The following KCNH1 variants were observed in gnomAD, a reference collection of about 807,000 sequenced individuals.
KCNH1 encodes voltage-gated delayed rectifier potassium channel KCNH1.
In KCNH1, 27 loss-of-function variants were observed where a neutral mutation model predicts 69.2. The observed-to-expected ratio is 0.39, with a 90% confidence interval of 0.29 to 0.54. KCNH1 has a LOEUF of 0.54. KCNH1 is among the 20% of genes least tolerant of loss of function. The probability of loss-of-function intolerance (pLI) is 0.68; values close to 1 mark genes in which losing one functional copy is unlikely to be tolerated. For synonymous variants in KCNH1, 456 were observed against 487.7 expected (o/e 0.93, Z 0.86); for missense variants, 798 against 1,261.6 (o/e 0.63, Z 5.57).
At chr1:210,805,838 C>A (rs989089768) in intron 7 of KCNH1, among the ~76,000 whole-genome samples, 3 of 152,190 alleles carry the variant, frequency 2.0e-5, no homozygotes, top group Non-Finnish European at 2.9e-5. Flanking sequence ...ACATAATATG[C>A]GGTCTTCCAT....
intron 7 of KCNH1, among the ~76,000 whole-genome samples, chr1:210,872,075 A>T (rs1040605114): frequency 2.8e-4 from 42 of 151,868 alleles, no homozygotes; most frequent in Admixed American, 1.2e-3. Flanking sequence ...AAAAAAACAA[A>T]ATATATACAT....
chr1:211,048,376 T>C (rs1690131443), intron 5 of KCNH1, among the ~76,000 whole-genome samples: 1 of 152,144 alleles, frequency 6.6e-6, no homozygotes, highest in Admixed American at 6.6e-5. Context: ...AAAAGACACT[T>C]GCACATGCAT....
At chr1:210,833,483 G>A (rs544088298) in intron 7 of KCNH1, among the ~76,000 whole-genome samples, 2 of 152,196 alleles carry the variant, frequency 1.3e-5, no homozygotes, top group Admixed American at 6.5e-5. Flanking sequence ...CTAGCCATAT[G>A]TAGAAAGCTG....
chr1:210,701,441 G>A (rs1212065041), intron 10 of KCNH1, among the ~76,000 whole-genome samples: 1 of 152,122 alleles, frequency 6.6e-6, no homozygotes, highest in Non-Finnish European at 1.5e-5. Flanking sequence ...GAGGGAGAGT[G>A]GCTTACTAAG....
chr1:211,010,373 A>G (rs540174448), intron 6 of KCNH1, among the ~76,000 whole-genome samples: 37 of 152,210 alleles, frequency 2.4e-4, no homozygotes, highest in African/African-American at 8.9e-4. Context: ...CAAAAATCAG[A>G]TGAGATCCCA....
At chr1:210,857,309 C>A (rs866599333) in intron 7 of KCNH1, among the ~76,000 whole-genome samples, 2 of 152,162 alleles carry the variant, frequency 1.3e-5, no homozygotes, top group Non-Finnish European at 2.9e-5. Context: ...GAGCCTGAGG[C>A]CTTACAGGCA....
intron 6 of KCNH1, among the ~76,000 whole-genome samples, chr1:210,978,360 T>A (rs918506829): frequency 3.0e-4 from 45 of 152,290 alleles, no homozygotes; most frequent in South Asian, 6.2e-4. Flanking sequence ...TTAAATATAG[T>A]TGCATGTAGT....
At chr1:210,873,515 T>G (rs1316041343) in intron 7 of KCNH1, among the ~76,000 whole-genome samples, 1 of 148,078 alleles carries the variant, frequency 6.8e-6, no homozygotes, top group African/African-American at 2.6e-5. Context: ...GCCCAGCTTA[T>G]TTTTTTTTAC....
At chr1:210,790,809 G>A (rs180852730) in intron 9 of KCNH1, among the ~76,000 whole-genome samples, 31 of 152,250 alleles carry the variant, frequency 2.0e-4, no homozygotes, top group South Asian at 4.2e-4. Flanking sequence ...AATCACATCT[G>A]TAATAGTGCC....
intron 7 of KCNH1, among the ~76,000 whole-genome samples, chr1:210,852,959 C>A (rs1251148613): frequency 6.6e-6 from 1 of 152,176 alleles, no homozygotes; most frequent in East Asian, 1.9e-4. Flanking sequence ...TTTGGGGCCC[C>A]TGTCTTCTAT....
At chr1:211,105,316 A>G (rs74159605) in intron 2 of KCNH1, among the ~76,000 whole-genome samples, 2,229 of 152,358 alleles carry the variant, frequency 0.015, 55 homozygotes, top group African/African-American at 0.051. Flanking sequence ...GTGATGGTAT[A>G]TATGCAAGCA....
intron 6 of KCNH1, among the ~76,000 whole-genome samples, chr1:210,971,514 T>G (rs1688511097): frequency 6.6e-6 from 1 of 152,156 alleles, no homozygotes; most frequent in African/African-American, 2.4e-5. Flanking sequence ...CAAGGCACAT[T>G]ACCTCCTATT....
chr1:210,782,977 G>C (rs2102381529), intron 9 of KCNH1, among the ~76,000 whole-genome samples: 1 of 152,304 alleles, frequency 6.6e-6, no homozygotes, highest in Non-Finnish European at 1.5e-5. Context: ...AATAGACTAA[G>C]ACACCATCTC....
At chr1:211,090,526 G>T in intron 4 of KCNH1, 36 bp downstream of exon 4, 1 of 1,557,298 alleles carries the variant, frequency 6.4e-7, no homozygotes, top group South Asian at 1.2e-5. Context: ...AGACAAAAAA[G>T]GCATAAATGT....
At chr1:210,883,894 T>C (rs547768505) in intron 7 of KCNH1, among the ~76,000 whole-genome samples, 41 of 152,332 alleles carry the variant, frequency 2.7e-4, no homozygotes, top group African/African-American at 9.9e-4. Flanking sequence ...ATTCATCAAA[T>C]GATTAAACTT....
intron 5 of KCNH1, among the ~76,000 whole-genome samples, chr1:211,071,793 T>C (rs543644388): frequency 3.9e-4 from 60 of 152,342 alleles, no homozygotes; most frequent in African/African-American, 1.4e-3. Flanking sequence ...AGTATACTTA[T>C]TGAAAAACAA....
At chr1:210,982,247 T>TATTATTATTATTATTATA (rs1553367230) in intron 6 of KCNH1, among the ~76,000 whole-genome samples, 1 of 108,222 alleles carries the variant, frequency 9.2e-6, no homozygotes, top group African/African-American at 4.3e-5. Flanking sequence ...TTATTATTAT[T>TATTATTATTATTATTATA]ATAAAGTTTT....
chr1:210,773,020 G>A (rs1406347906), intron 10 of KCNH1, among the ~76,000 whole-genome samples: 2 of 152,022 alleles, frequency 1.3e-5, no homozygotes, highest in Admixed American at 6.5e-5. Flanking sequence ...ATTCCAAGAA[G>A]ATTACTCCTC....
intron 5 of KCNH1, among the ~76,000 whole-genome samples, chr1:211,050,501 G>T (rs1690182189): frequency 6.6e-6 from 1 of 152,092 alleles, no homozygotes; most frequent in Admixed American, 6.5e-5. Flanking sequence ...GCAATTAAAA[G>T]TATTAACCAT....
Sources: allele counts gnomAD v4.1 joint callset (sites outside exome capture counted in the v4.1 genomes callset), GRCh38; gene constraint gnomAD v4.1.1; transcripts MANE v1.5; gene names NCBI Gene and HGNC (gene_info 2026-07-23, HGNC 2026-07-21).